BTNL8: variants seen among roughly 807,000 people sequenced by gnomAD.
The protein encoded by BTNL8 is butyrophilin-like protein 8.
In BTNL8, 22 loss-of-function variants were observed where a neutral mutation model predicts 36.1. The observed-to-expected ratio is 0.61, with a 90% CI of 0.44 to 0.87. The LOEUF is 0.87. Among genes scored for constraint, BTNL8 ranks in the 40% least tolerant of loss-of-function variants. BTNL8 has a pLI of 0.00. For missense variants in BTNL8, 526 were observed against 616.9 expected (o/e 0.85, Z 1.56); for synonymous variants, 203 against 235.6 (o/e 0.86, Z 1.27).
intron 2 of BTNL8, 142 bp from the exon 3 acceptor site, chr5:180,911,189 TGGGAAGGC>T: frequency 8.1e-7 from 1 of 1,232,038 alleles, no homozygotes; most frequent in Admixed American, 2.2e-5. Context: ...ACAGAGGCCA[TGGGAAGGC>T]TTTTGCCAAA....
At chr5:180,941,912 C>CTTTTTTTTTTTTTTTTTTTTTTTTTTT (rs1554145496) in intron 3 of BTNL8, among the ~76,000 whole-genome samples, 4 of 145,088 alleles carry the variant, frequency 2.8e-5, no homozygotes, top group African/African-American at 5.2e-5. Context: ...TTTTACTACT[C>CTTTTTTTTTTTTTTTTTTTTTTTTTTT]TTATTCAACA....
At chr5:180,907,912 C>T (rs1433794826) in intron 1 of BTNL8, among the ~76,000 whole-genome samples, 1 of 151,802 alleles carries the variant, frequency 6.6e-6, no homozygotes, top group African/African-American at 2.4e-5. Flanking sequence ...AGAACCACTG[C>T]TCTCTTCAAA....
At chr5:180,947,678 GA>G in intron 4 of BTNL8, 53 bp downstream of exon 4, 1 of 1,614,186 alleles carries the variant, frequency 6.2e-7, no homozygotes, top group Non-Finnish European at 8.5e-7. Context: ...TTCCAGCAGG[GA>G]CAGGATCAGA....
chr5:180,914,945 T>C (rs1757556683), intron 3 of BTNL8, among the ~76,000 whole-genome samples: 1 of 152,156 alleles, frequency 6.6e-6, no homozygotes, highest in African/African-American at 2.4e-5. Context: ...ATTTTTGCCA[T>C]GGGGAAAGTG....
chr5:180,926,624 G>A (rs375359371), intron 3 of BTNL8, among the ~76,000 whole-genome samples: 7 of 152,334 alleles, frequency 4.6e-5, no homozygotes, highest in Non-Finnish European at 7.4e-5. Flanking sequence ...CAGGACACTC[G>A]AGCTTGGTGG....
At chr5:180,901,504 TAAGA>T (rs1432061155) in intron 1 of BTNL8, among the ~76,000 whole-genome samples, 1 of 152,064 alleles carries the variant, frequency 6.6e-6, no homozygotes, top group Non-Finnish European at 1.5e-5. Context: ...GATGAGCAAG[TAAGA>T]AAGGAAATGG....
At position 180,908,851 on chromosome 5, in the gene BTNL8, T is replaced by A; in HGVS notation, c.315T>A (p.Thr105=). ...TCTCTCTGAGGCTGGAAAACATTAC[T>A]GTGTTGGATGCTGGCCTCTATGGGT... ...GRISLRLENI[T]VLDAGLYGCR... Residue 105 remains threonine (T), a synonymous_variant, in exon 2 of 8, where the codon ACT becomes ACA. Transcript: ENST00000340184. 1 of 1,614,176 alleles carries A rather than the reference T, an allele frequency of 6.2e-7. No homozygotes were observed. The highest frequency in any genetic ancestry group is 8.5e-7 in the Non-Finnish European group (1 of 1,180,042).
chr5:180,926,619 C>G lies in BTNL8; in HGVS notation c.673+15005C>G, dbSNP rs566711736. On this transcript the variant is annotated intron_variant, in intron 3 of 7. Transcript: ENST00000340184. ...AGAGCAGTCTGGGGTCAACCCAGGA[C>G]ACTCGAGCTTGGTGGGCAGAGGGAC... Among the ~76,000 whole-genome samples the G allele has an allele frequency of 2.6e-5, 4 of 152,336 alleles. No individual in the cohort carries two copies. The East Asian group carries it at 7.7e-4, about 29-fold the overall frequency.
At chr5:180,946,766 CTCA>C (rs1288918461) in intron 3 of BTNL8, among the ~76,000 whole-genome samples, 2 of 152,062 alleles carry the variant, frequency 1.3e-5, no homozygotes, top group Admixed American at 6.5e-5. Context: ...ATTTAAATGT[CTCA>C]TCATAAAAAT....
In BTNL8 at chr5:180,911,506, T is replaced by G. The variant is rs141844193; in HGVS notation, c.565T>G (p.Phe189Val). ...GACAAACAGAGACATGCATGGCCTG[T>G]TTGATGTGGAGATCTCTCTGACCGT... ...SRTNRDMHGL[F>V]DVEISLTVQE... Residue 189 changes from phenylalanine to valine, a missense_variant, in exon 3 of 8, where the codon TTT becomes GTT. Coordinates refer to ENST00000340184, the MANE Select transcript of BTNL8 (RefSeq NM_001040462.3). The G allele has an allele frequency of 4.5e-5, 73 of 1,614,018 alleles. 1 individual carries two copies. The highest frequency in any genetic ancestry group is 1.0e-4 in the Admixed American group (6 of 60,000).
chr5:180,917,606 A>AT (rs549488699), intron 3 of BTNL8, among the ~76,000 whole-genome samples: 260 of 95,410 alleles, frequency 2.7e-3, no homozygotes, highest in African/African-American at 0.015. Context: ...AATCAGAATA[A>AT]TTTAAAAAAA....
intron 3 of BTNL8, among the ~76,000 whole-genome samples, chr5:180,924,944 C>G (rs1758030546): frequency 6.6e-6 from 1 of 151,822 alleles, no homozygotes; most frequent in Admixed American, 6.6e-5. Flanking sequence ...AAAAGAAAAG[C>G]TTGACAAAGG....
At chr5:180,926,619 C>T (rs566711736) in intron 3 of BTNL8, among the ~76,000 whole-genome samples, 1 of 152,218 alleles carries the variant, frequency 6.6e-6, no homozygotes, top group Non-Finnish European at 1.5e-5. Context: ...CAACCCAGGA[C>T]ACTCGAGCTT....
chr5:180,924,020 C>A (rs1290547240), intron 3 of BTNL8, among the ~76,000 whole-genome samples: 1 of 152,196 alleles, frequency 6.6e-6, no homozygotes, highest in Admixed American at 6.5e-5. Flanking sequence ...GGTCAAGTAG[C>A]AACACAATTC....
intron 1 of BTNL8, among the ~76,000 whole-genome samples, chr5:180,901,136 C>T (rs1726516488): frequency 6.6e-6 from 1 of 152,134 alleles, no homozygotes; most frequent in Admixed American, 6.5e-5. Flanking sequence ...AAAGTCATGC[C>T]TCATTTAATA....
chr5:180,947,410 C>T, intron 3 of BTNL8, 102 bp from the exon 4 acceptor site: 2 of 1,426,204 alleles, frequency 1.4e-6, no homozygotes, highest in East Asian at 2.3e-5. Flanking sequence ...TTTATAGAAA[C>T]CTATTTCTTC....
chr5:180,917,608 T>TA (rs142081557), intron 3 of BTNL8, among the ~76,000 whole-genome samples: 67,017 of 147,906 alleles, frequency 0.45, 15,806 homozygotes, highest in African/African-American at 0.63. Context: ...TCAGAATAAT[T>TA]TAAAAAAAAT....
intron 3 of BTNL8, among the ~76,000 whole-genome samples, chr5:180,912,127 A>G (rs1198916726): frequency 6.6e-6 from 1 of 152,222 alleles, no homozygotes; most frequent in Non-Finnish European, 1.5e-5. Context: ...TCCTGGCCTC[A>G]GAGCAGGCTG....
chr5:180,913,806 A>G (rs749910323), intron 3 of BTNL8, among the ~76,000 whole-genome samples: 1 of 152,220 alleles, frequency 6.6e-6, no homozygotes, highest in African/African-American at 2.4e-5. Flanking sequence ...TTCTCTACGA[A>G]TAACTACTCT....
Sources: allele counts gnomAD v4.1 joint callset (sites outside exome capture counted in the v4.1 genomes callset), GRCh38; gene constraint gnomAD v4.1.1; transcripts MANE v1.5; gene names NCBI Gene and HGNC (gene_info 2026-07-23, HGNC 2026-07-21).